The following SLIT3 variants were observed in gnomAD, a reference collection of about 807,000 sequenced individuals.
The protein encoded by SLIT3 is slit guidance ligand 3.
SLIT3 carries 68 observed loss-of-function variants against 184.0 expected under a neutral mutation model. The ratio of observed to expected loss-of-function variants is 0.37; its 90% confidence interval spans 0.30 to 0.45. The LOEUF (loss-of-function observed/expected upper bound fraction) is 0.45. Among genes scored for constraint, SLIT3 ranks in the 20% least tolerant of loss-of-function variants. SLIT3 has a pLI of 1.00. For missense variants in SLIT3, 1,707 were observed against 2,026.0 expected (o/e 0.84, Z 3.02); for synonymous variants, 831 against 828.6 (o/e 1.00, Z -0.05).
intron 20 of SLIT3, among the ~76,000 whole-genome samples, chr5:168,747,661 C>T (rs1460852800): frequency 6.6e-6 from 1 of 152,100 alleles, no homozygotes; most frequent in African/African-American, 2.4e-5. Flanking sequence ...AAGAGCCCTA[C>T]AGGAAGAGGC....
At chr5:169,198,913 C>CA (rs1259025969) in intron 3 of SLIT3, among the ~76,000 whole-genome samples, 5 of 151,332 alleles carry the variant, frequency 3.3e-5, no homozygotes, top group African/African-American at 1.2e-4. Context: ...GCCTGGGCAA[C>CA]AGAGCAAGAC....
chr5:168,685,462 G>A (rs1293347393), intron 31 of SLIT3, among the ~76,000 whole-genome samples: 1 of 152,256 alleles, frequency 6.6e-6, no homozygotes, highest in African/African-American at 2.4e-5. Flanking sequence ...ATTTTCTGGA[G>A]GAATGAGTGA....
intron 4 of SLIT3, among the ~76,000 whole-genome samples, chr5:169,132,582 A>T (rs1761342991): frequency 6.6e-6 from 1 of 152,234 alleles, no homozygotes; most frequent in African/African-American, 2.4e-5. Flanking sequence ...GATCTGAAAT[A>T]GCAAAACATA....
chr5:168,997,067 T>C (rs530664684), intron 4 of SLIT3, among the ~76,000 whole-genome samples: 2 of 152,304 alleles, frequency 1.3e-5, no homozygotes, highest in South Asian at 2.1e-4. Context: ...AACCGCCTCA[T>C]TGATCAATAA....
At chr5:169,244,515 G>C (rs372387894) in intron 3 of SLIT3, among the ~76,000 whole-genome samples, 190 bp downstream of exon 3, 5 of 152,220 alleles carry the variant, frequency 3.3e-5, no homozygotes, top group African/African-American at 1.2e-4. Flanking sequence ...GAAAAGGAGT[G>C]TAAGTGGATC....
chr5:169,071,167 T>G (rs1211686249), intron 4 of SLIT3, among the ~76,000 whole-genome samples: 2 of 152,190 alleles, frequency 1.3e-5, no homozygotes, highest in Non-Finnish European at 2.9e-5. Flanking sequence ...TTGTGGTTAG[T>G]TTTTGATAAG....
intron 26 of SLIT3, chr5:168,706,516 G>T (rs943938377): frequency 6.6e-6 from 1 of 152,112 alleles, no homozygotes; most frequent in Non-Finnish European, 1.5e-5. Flanking sequence ...GTGTGTGGGT[G>T]CCCTGTGACT....
chr5:169,045,085 G>T (rs1380387616), intron 4 of SLIT3, among the ~76,000 whole-genome samples: 1 of 152,196 alleles, frequency 6.6e-6, no homozygotes, highest in Non-Finnish European at 1.5e-5. Context: ...AGAACTTCAA[G>T]TATTCAGCAG....
At chr5:168,935,489 A>C (rs989154907) in intron 4 of SLIT3, among the ~76,000 whole-genome samples, 2 of 152,188 alleles carry the variant, frequency 1.3e-5, no homozygotes, top group Non-Finnish European at 2.9e-5. Context: ...TGCAGCCTCC[A>C]TTCTTTGTTT....
intron 4 of SLIT3, among the ~76,000 whole-genome samples, chr5:169,064,716 G>C (rs1234062440): frequency 1.3e-5 from 2 of 152,150 alleles, no homozygotes; most frequent in East Asian, 3.9e-4. Flanking sequence ...TGCATCTTCT[G>C]TCCCGAGACA....
chr5:168,749,178 T>C (rs553538535), intron 19 of SLIT3, among the ~76,000 whole-genome samples: 45 of 152,360 alleles, frequency 3.0e-4, no homozygotes, highest in East Asian at 1.7e-3. Flanking sequence ...AGTGTTCTCA[T>C]AGATGGCAGT....
At chr5:169,208,651 C>T (rs556485902) in intron 3 of SLIT3, among the ~76,000 whole-genome samples, 110 of 152,252 alleles carry the variant, frequency 7.2e-4, no homozygotes, top group African/African-American at 2.5e-3. Context: ...ACCATCTGAA[C>T]GTTGACAAAC....
At chr5:168,910,678 G>A (rs374835309) in intron 4 of SLIT3, among the ~76,000 whole-genome samples, 9 of 151,608 alleles carry the variant, frequency 5.9e-5, no homozygotes, top group East Asian at 5.8e-4. Flanking sequence ...CCTGGGAGGC[G>A]GAGCTTGCAG....
chr5:169,117,623 T>C (rs1249580983), intron 4 of SLIT3, among the ~76,000 whole-genome samples: 2 of 152,210 alleles, frequency 1.3e-5, no homozygotes, highest in Non-Finnish European at 2.9e-5. Context: ...GGAGGATTTC[T>C]AGGGACTAAG....
Position 169,230,230 on chromosome 5 carries a change from C to T in SLIT3, c.341+14475G>A, listed in dbSNP as rs114459213. 9.9e-3 allele frequency among the ~76,000 whole-genome samples: 1,504 copies of T among 152,236 alleles called. 31 individuals carry two copies. Among genetic ancestry groups the T allele is most frequent in the African/African-American group, 0.034 (1,424 of 41,528 alleles). ...TTAACCCCATTTAACAGATGTTACT[C>T]GCAGCTGCTAAGAAAGTTGCCTGCA... On this transcript the variant is annotated intron_variant, in intron 3 of 35. Coordinates refer to ENST00000519560, the MANE Select transcript of SLIT3 (RefSeq NM_003062.4).
Position 168,993,560 on chromosome 5 carries a change from G to T in SLIT3, c.414-110224C>A, listed in dbSNP as rs543739136. On this transcript the variant is annotated intron_variant, in intron 4 of 35. Coordinates refer to ENST00000519560, the MANE Select transcript of SLIT3 (RefSeq NM_003062.4). ...TGTGCTCCCACAGCCTGCTCTGAAG[G>T]CCCTTTTGTCTTAGAAGGATTTTCC... is the stretch of plus-strand genomic sequence containing the variant. Among the ~76,000 whole-genome samples the T allele has an allele frequency of 5.3e-5, 8 of 152,316 alleles. No individual in the cohort carries two copies. The East Asian group carries it at 5.8e-4, about 11-fold the overall frequency.
chr5:168,839,616 A>G (rs1466323760), intron 6 of SLIT3, among the ~76,000 whole-genome samples: 3 of 152,230 alleles, frequency 2.0e-5, no homozygotes, highest in Non-Finnish European at 4.4e-5. Context: ...TGGGAGCAAT[A>G]TGGTGTGTGG....
chr5:169,000,858 C>T (rs1328132713), intron 4 of SLIT3, among the ~76,000 whole-genome samples: 4 of 152,196 alleles, frequency 2.6e-5, no homozygotes, highest in African/African-American at 9.7e-5. Context: ...TTAATTTATA[C>T]TAGATGTTCT....
intron 4 of SLIT3, among the ~76,000 whole-genome samples, chr5:169,098,065 ACT>A (rs765739090): frequency 5.9e-5 from 9 of 151,966 alleles, no homozygotes; most frequent in Non-Finnish European, 1.3e-4. Flanking sequence ...GCAAAGAGAA[ACT>A]CTGACCCCAG....
Sources: gnomAD v4.1 joint callset for allele counts (sites outside exome capture counted in the v4.1 genomes callset) on GRCh38, gnomAD v4.1.1 for gene constraint, MANE v1.5 for transcripts, NCBI Gene and HGNC (gene_info 2026-07-23, HGNC 2026-07-21) for gene names.